The following H2BC18 variants were observed in gnomAD, a reference collection of about 807,000 sequenced individuals.
H2BC18 encodes the protein histone H2B type 2-F.
A neutral mutation model predicts 6.3 loss-of-function variants in H2BC18; 8 were observed. That is an observed-to-expected ratio of 1.28 (90% confidence interval 0.75 to 2.31). The LOEUF (loss-of-function observed/expected upper bound fraction) is 2.31. Among genes scored for constraint, H2BC18 ranks in the 30% most tolerant of loss-of-function variants. The pLI, the probability that H2BC18 is intolerant of heterozygous loss-of-function variation, is 0.00. For missense variants in H2BC18, 106 were observed against 174.5 expected (o/e 0.61, Z 2.21); for synonymous variants, 104 against 78.1 (o/e 1.33, Z -1.75).
chr1:149,785,834 T>C (rs1168919296), intron 1 of H2BC18: 1 of 152,158 alleles, frequency 6.6e-6, no homozygotes, highest in Non-Finnish European at 1.5e-5. Flanking sequence ...CCCCTGACAC[T>C]GACTTCCAGC....
At chr1:149,804,602 C>T (rs1158557207) in intron 1 of H2BC18, among the ~76,000 whole-genome samples, 16 of 151,848 alleles carry the variant, frequency 1.1e-4, no homozygotes, top group Admixed American at 1.0e-3. Flanking sequence ...GCCTTCCTAA[C>T]CATAACAATA....
intron 1 of H2BC18, chr1:149,791,550 C>T (rs587596112): frequency 7.5e-6 from 12 of 1,609,772 alleles, no homozygotes; most frequent in Middle Eastern, 2.3e-4. Flanking sequence ...CGATCTGGAC[C>T]GTCCCCTGCC....
chr1:149,785,111 A>G (rs2091506254), intron 1 of H2BC18, among the ~76,000 whole-genome samples: 1 of 152,352 alleles, frequency 6.6e-6, no homozygotes, highest in African/African-American at 2.4e-5. Context: ...GGAGACTGCA[A>G]TATTCTTCAG....
chr1:149,800,914 C>G (rs1401503415), intron 1 of H2BC18, among the ~76,000 whole-genome samples: 1 of 152,082 alleles, frequency 6.6e-6, no homozygotes, highest in East Asian at 1.9e-4. Flanking sequence ...GGTGAAACCC[C>G]ATCTCTATAA....
chr1:149,791,372 T>A (rs1553751853), intron 1 of H2BC18: 2 of 1,581,536 alleles, frequency 1.3e-6, no homozygotes, highest in South Asian at 2.2e-5. Context: ...GATTTAGAAA[T>A]CTCTTTGGAT....
intron 1 of H2BC18, among the ~76,000 whole-genome samples, chr1:149,804,794 TA>T (rs1230283236): frequency 6.6e-6 from 1 of 151,848 alleles, no homozygotes; most frequent in Non-Finnish European, 1.5e-5. Context: ...TCACAACAAG[TA>T]AAGAAAGTTT....
At chr1:149,791,347 A>C in intron 1 of H2BC18, 1 of 1,582,086 alleles carries the variant, frequency 6.3e-7, no homozygotes, top group Non-Finnish European at 8.6e-7. Context: ...AGAACTGAAA[A>C]GAAAGAAAAA....
At chr1:149,785,408 GTTTTTTTT>G (rs10670379) in intron 1 of H2BC18, among the ~76,000 whole-genome samples, 1 of 67,636 alleles carries the variant, frequency 1.5e-5, no homozygotes, top group Admixed American at 1.7e-4. Context: ...GAGCTGTTTC[GTTTTTTTT>G]TTTTTTTTTT....
intron 1 of H2BC18, chr1:149,792,829 G>A (rs1194682735): frequency 1.6e-6 from 2 of 1,278,378 alleles, no homozygotes; most frequent in African/African-American, 3.2e-5. Flanking sequence ...ACGGCGGCAG[G>A]CGGATGGAAG....
chr1:149,807,234 C>A (rs1329560454), downstream of H2BC18, among the ~76,000 whole-genome samples: 1 of 152,124 alleles, frequency 6.6e-6, no homozygotes, highest in Admixed American at 6.5e-5. Context: ...AATCTATAAT[C>A]CCAGCACTTT....
rs2091986028 is a variant in H2BC18 at position 149,812,221 on chromosome 1, T to A, written c.103A>T (p.Lys35Ter). The A allele has an allele frequency of 1.2e-6, 2 of 1,614,150 alleles. No homozygotes were observed. Among genetic ancestry groups the A allele is most frequent in the African/African-American group, 2.7e-5 (2 of 74,958 alleles). ...KDGKKRKRSR[K>*]ESYSVYVYKV... ...TACACGTAAACGGAGTAGCTCTCCTTGCGGCTGCGCTTGCGCTTCTTGCCG... is the reference window on the plus strand; with the variant it reads ...TACACGTAAACGGAGTAGCTCTCCTAGCGGCTGCGCTTGCGCTTCTTGCCG... The change falls in exon 1 of 1, where the codon AAG becomes TAG. Residue 35 changes from lysine (K) to a stop codon, truncating the protein, a stop_gained. Coordinates refer to ENST00000369167, the MANE Select transcript of H2BC18 (RefSeq NM_001024599.5). LOFTEE classifies it high-confidence loss of function.
chr1:149,790,088 G>A (rs1553751515), intron 1 of H2BC18: 3 of 1,613,818 alleles, frequency 1.9e-6, no homozygotes, highest in Non-Finnish European at 1.7e-6. Context: ...ATGCATCTGT[G>A]ACATCCCCAC....
At position 149,790,028 on chromosome 1, in the gene H2BC18, T is replaced by C. The variant is rs1338886; in HGVS notation, c.378-6768A>G. On this transcript the variant is annotated intron_variant, in intron 1 of 1. Coordinates refer to the H2BC18 transcript ENST00000545683. Reference sequence around the variant, plus strand: ...GGACCTGGATGCTAAACAGGCAACCTTGTCCCCCATCAACTTTCTCCTTAG... The same window carrying C: ...GGACCTGGATGCTAAACAGGCAACCCTGTCCCCCATCAACTTTCTCCTTAG... The C allele has an allele frequency of 0.011, 18,059 of 1,609,708 alleles. 2,190 individuals are homozygous for C. The African/African-American group carries it at 0.21, about 19-fold the overall frequency.
rs199635929 is a variant in H2BC18 at position 149,782,720 on chromosome 1, T to C, written c.*513A>G. Reference sequence around the variant, plus strand: ...ATATCTTGCATGTTACAGATTTCACTGCTCCCACCAGCTTGGAGACAACAT... The same window carrying C: ...ATATCTTGCATGTTACAGATTTCACCGCTCCCACCAGCTTGGAGACAACAT... On this transcript the variant is annotated 3_prime_UTR_variant, in exon 2 of 2. Coordinates refer to the H2BC18 transcript ENST00000545683. 13,988 of 1,590,740 alleles carry C rather than the reference T, an allele frequency of 8.8e-3. 871 individuals carry two copies. In the Admixed American group the frequency reaches 0.12, roughly 14 times the overall value.
intron 1 of H2BC18, chr1:149,788,001 ATTCTGT>A (rs2091597884): frequency 3.0e-6 from 1 of 329,358 alleles, no homozygotes; most frequent in Non-Finnish European, 5.9e-6. Context: ...CCCTTGTCAT[ATTCTGT>A]TGGCTAGAAG....
chr1:149,799,273 A>T (rs1330914314), intron 1 of H2BC18, among the ~76,000 whole-genome samples: 1 of 151,224 alleles, frequency 6.6e-6, no homozygotes, highest in African/African-American at 2.4e-5. Context: ...GTGTCTTCTT[A>T]TATCCAGTGG....
intron 1 of H2BC18, chr1:149,805,355 C>T (rs1395041362): frequency 6.6e-6 from 1 of 152,134 alleles, no homozygotes; most frequent in Admixed American, 6.5e-5. Flanking sequence ...TTCAAGTATC[C>T]TTCTATGACT....
intron 1 of H2BC18, among the ~76,000 whole-genome samples, chr1:149,785,101 G>A (rs1553750669): frequency 6.6e-6 from 1 of 152,186 alleles, no homozygotes; most frequent in East Asian, 1.9e-4. Context: ...ATCAAGAGAT[G>A]GAGACTGCAA....
At chr1:149,805,536 C>T (rs1455202250) in intron 1 of H2BC18, 2 of 152,172 alleles carry the variant, frequency 1.3e-5, no homozygotes, top group Non-Finnish European at 2.9e-5. Flanking sequence ...CCCAAATCCT[C>T]ATTCTGTGTT....
Sources: allele counts gnomAD v4.1 joint callset (sites outside exome capture counted in the v4.1 genomes callset), GRCh38; gene constraint gnomAD v4.1.1; transcripts MANE v1.5; gene names NCBI Gene and HGNC (gene_info 2026-07-23, HGNC 2026-07-21).